Variants in MTFR1 observed in about 807,000 individuals in gnomAD.
MTFR1 encodes chondrocyte protein with a poly-proline region.
In MTFR1, 28 loss-of-function variants were observed where a neutral mutation model predicts 38.8. That is an observed-to-expected ratio of 0.72 (90% CI 0.53 to 0.99). MTFR1 has a LOEUF of 0.99. MTFR1 is among the 50% of genes least tolerant of loss of function. MTFR1 has a pLI of 0.00. For missense variants in MTFR1, 358 were observed against 395.5 expected (o/e 0.91, Z 0.81); for synonymous variants, 145 against 137.0 (o/e 1.06, Z -0.41).
chr8:65,647,806 CA>C (rs11361465), intron 1 of MTFR1, among the ~76,000 whole-genome samples: 131,298 of 150,562 alleles, frequency 0.87, 57,556 homozygotes, highest in African/African-American at 0.96. Flanking sequence ...AGATAAGCAA[CA>C]AAAAAAAAAA....
At chr8:65,684,082 C>T (rs563098772) in intron 3 of MTFR1, among the ~76,000 whole-genome samples, 2 of 152,270 alleles carry the variant, frequency 1.3e-5, no homozygotes, top group South Asian at 2.1e-4. Flanking sequence ...TAGCTAGAGA[C>T]GTAGAGATAT....
chr8:65,727,477 C>G, intron 3 of MTFR1: 1 of 736,378 alleles, frequency 1.4e-6, no homozygotes, highest in South Asian at 2.2e-5. Flanking sequence ...GTCCTGATCT[C>G]ATCACCACAC....
At chr8:65,736,140 T>C (rs868117501) in intron 3 of MTFR1, among the ~76,000 whole-genome samples, 1 of 152,178 alleles carries the variant, frequency 6.6e-6, no homozygotes, top group African/African-American at 2.4e-5. Flanking sequence ...AGAACGATTA[T>C]AACAATAAGC....
At chr8:65,777,358 C>T in the MTFR1 span, among the ~76,000 whole-genome samples, 1 of 152,052 alleles carries the variant, frequency 6.6e-6, no homozygotes, top group Non-Finnish European at 1.5e-5. Flanking sequence ...GGATTACAAG[C>T]GTGAGCCACA....
intron 3 of MTFR1, chr8:65,682,891 C>G: frequency 1.0e-6 from 1 of 985,348 alleles, no homozygotes. Flanking sequence ...GTTTCAAGAT[C>G]AGCATTAATT....
intron 6 of MTFR1, among the ~76,000 whole-genome samples, 167 bp downstream of exon 6, chr8:65,707,423 A>G (rs891158916): frequency 1.3e-5 from 2 of 152,240 alleles, no homozygotes; most frequent in African/African-American, 4.8e-5. Context: ...AGAGATTAGC[A>G]AAATAAGCTA....
At chr8:65,774,257 GAAATCCTC>G (rs1464403066), downstream of MTFR1, among the ~76,000 whole-genome samples, 1 of 152,102 alleles carries the variant, frequency 6.6e-6, no homozygotes, top group African/African-American at 2.4e-5. Context: ...CGTGCTGTTG[GAAATCCTC>G]ATGCTAATAA....
exon 4 of MTFR1, chr8:65,771,091 A>AT: frequency 3.0e-6 from 1 of 338,784 alleles, no homozygotes. Flanking sequence ...ATATTGTGGC[A>AT]TCTACATAAT....
chr8:65,664,690 G>A (rs956621198), intron 1 of MTFR1, among the ~76,000 whole-genome samples: 6 of 142,608 alleles, frequency 4.2e-5, no homozygotes, highest in South Asian at 2.3e-4. Flanking sequence ...TTTGCCTCCC[G>A]CGTTCAAGCT....
At chr8:65,662,827 C>A (rs1233658147) in intron 1 of MTFR1, among the ~76,000 whole-genome samples, 1 of 151,206 alleles carries the variant, frequency 6.6e-6, no homozygotes, top group Non-Finnish European at 1.5e-5. Flanking sequence ...CAGCCCCCCG[C>A]CCGGCCATCC....
chr8:65,733,110 G>C (rs1346381408), intron 3 of MTFR1, among the ~76,000 whole-genome samples: 1 of 152,124 alleles, frequency 6.6e-6, no homozygotes, highest in Non-Finnish European at 1.5e-5. Context: ...TTGAAGCCTT[G>C]GGTAAAGTGT....
exon 4 of MTFR1, chr8:65,770,993 C>A (rs1461412875): frequency 2.9e-6 from 1 of 339,174 alleles, no homozygotes; most frequent in Non-Finnish European, 5.9e-6. Context: ...AGGCCTATGG[C>A]AAATCCTACT....
intron 1 of MTFR1, among the ~76,000 whole-genome samples, chr8:65,646,799 A>G (rs1808975597): frequency 6.6e-6 from 1 of 152,258 alleles, no homozygotes; most frequent in African/African-American, 2.4e-5. Flanking sequence ...CACATAGCAT[A>G]TATTGGATAT....
In MTFR1 at chr8:65,709,048, A is replaced by G; in HGVS notation, c.*4A>G. ...TGAAAATGTATCAGACTCCTAATAG[A>G]CAATGAGCTGCGAAAAGACTCCTGG... On this transcript the variant is annotated 3_prime_UTR_variant, in exon 8 of 8. Transcript: ENST00000262146. 2 of 1,613,824 alleles carry G rather than the reference A, an allele frequency of 1.2e-6. No homozygotes were observed. The highest frequency in any genetic ancestry group is 1.7e-6 in the Non-Finnish European group (2 of 1,179,730).
chr8:65,694,502 A>G (rs1404122334), intron 4 of MTFR1, among the ~76,000 whole-genome samples: 1 of 152,208 alleles, frequency 6.6e-6, no homozygotes, highest in Non-Finnish European at 1.5e-5. Context: ...GTCCTCATTG[A>G]CAGAATTCTT....
In MTFR1 at chr8:65,693,651, G is replaced by A; in HGVS notation, c.173G>A (p.Ser58Asn). The A allele has an allele frequency of 6.2e-7, 1 of 1,613,604 alleles. No individual in the cohort carries two copies. The highest frequency in any genetic ancestry group is 8.5e-7 in the Non-Finnish European group (1 of 1,179,596). The change falls in exon 4 of 8, where the codon AGC becomes AAC. Residue 58 changes from serine (S) to asparagine (N), a missense_variant. Ser to Asn is a conservative substitution (Grantham distance 46). Transcript: ENST00000262146. Reference sequence around the variant, plus strand: ...CCTATTTATAACTTACAGATTAACAGCCATGCAACAGAATGGAGTCCCAGC... The same window carrying A: ...CCTATTTATAACTTACAGATTAACAACCATGCAACAGAATGGAGTCCCAGC... ...QCPRVQFQIN[S>N]HATEWSPSHP... is the part of the protein sequence containing the mutation.
chr8:65,734,349 C>CT (rs1807033095), intron 3 of MTFR1, among the ~76,000 whole-genome samples: 1 of 152,230 alleles, frequency 6.6e-6, no homozygotes, highest in African/African-American at 2.4e-5. Flanking sequence ...ACTCTGCTCT[C>CT]TTCCATGGAG....
intron 2 of MTFR1, among the ~76,000 whole-genome samples, chr8:65,675,839 T>G (rs1804695040): frequency 6.6e-6 from 1 of 152,220 alleles, no homozygotes; most frequent in Non-Finnish European, 1.5e-5. Flanking sequence ...AACATTTGTT[T>G]GAATTTAAAA....
At chr8:65,732,152 C>T (rs1194666815) in intron 3 of MTFR1, among the ~76,000 whole-genome samples, 1 of 152,064 alleles carries the variant, frequency 6.6e-6, no homozygotes, top group Non-Finnish European at 1.5e-5. Context: ...GCACCCGCCA[C>T]CATGCCCAGC....
Sources: allele counts gnomAD v4.1 joint callset (sites outside exome capture counted in the v4.1 genomes callset), GRCh38; gene constraint gnomAD v4.1.1; transcripts MANE v1.5; gene names NCBI Gene and HGNC (gene_info 2026-07-23, HGNC 2026-07-21).